GALNT17: variants seen among roughly 807,000 people sequenced by gnomAD.
GALNT17 encodes UDP-GalNAc:polypeptide N-acetylgalactosaminyltransferase-like 3.
A neutral mutation model predicts 63.7 loss-of-function variants in GALNT17; 29 were observed. The ratio of observed to expected loss-of-function variants is 0.46; its 90% CI spans 0.34 to 0.62. The LOEUF (loss-of-function observed/expected upper bound fraction) is 0.62, where lower values mean the gene tolerates loss of function less well. Ranked by LOEUF, GALNT17 falls within the 20% of genes least tolerant of loss-of-function variation. The pLI, the probability that GALNT17 is intolerant of heterozygous loss-of-function variation, is 0.01. For missense variants in GALNT17, 603 were observed against 799.6 expected (o/e 0.75, Z 2.97); for synonymous variants, 305 against 318.3 (o/e 0.96, Z 0.45).
chr7:71,375,972 CG>C (rs1161752727), intron 2 of GALNT17, among the ~76,000 whole-genome samples: 1 of 151,908 alleles, frequency 6.6e-6, no homozygotes, highest in African/African-American at 2.4e-5. Context: ...AGCTACTTGA[CG>C]GGGGCTGAGG....
chr7:71,690,191 A>C (rs1391296678), intron 9 of GALNT17, among the ~76,000 whole-genome samples: 1 of 151,670 alleles, frequency 6.6e-6, no homozygotes, highest in African/African-American at 2.4e-5. Flanking sequence ...CGCCCAGCTA[A>C]TTTTTCTATT....
At chr7:71,703,813 G>A (rs1351588848) in intron 9 of GALNT17, among the ~76,000 whole-genome samples, 1 of 152,174 alleles carries the variant, frequency 6.6e-6, no homozygotes, top group Non-Finnish European at 1.5e-5. Flanking sequence ...AGTGTGGGAA[G>A]AGGGTCAGAG....
intron 1 of GALNT17, among the ~76,000 whole-genome samples, chr7:71,295,155 C>T (rs1170457094): frequency 6.6e-6 from 1 of 152,214 alleles, no homozygotes; most frequent in East Asian, 1.9e-4. Context: ...GAGAACGCTG[C>T]TGGCTTCATT....
At chr7:71,333,773 G>A (rs973570379) in intron 1 of GALNT17, among the ~76,000 whole-genome samples, 1 of 152,178 alleles carries the variant, frequency 6.6e-6, no homozygotes, top group Non-Finnish European at 1.5e-5. Context: ...TTACAGGCGT[G>A]AGCCACTGTG....
chr7:71,280,233 G>T (rs1181016418), intron 1 of GALNT17, among the ~76,000 whole-genome samples: 3 of 152,074 alleles, frequency 2.0e-5, no homozygotes, highest in African/African-American at 7.2e-5. Context: ...TTCATTCTGG[G>T]CTCAGTGTGA....
Position 71,159,278 on chromosome 7 carries a change from C to T in GALNT17, c.238+26238C>T, listed in dbSNP as rs545673028. Among the ~76,000 whole-genome samples, 48 of 151,774 alleles carry T rather than the reference C, an allele frequency of 3.2e-4. No individual in the cohort carries two copies. In the East Asian group the frequency reaches 7.2e-3, roughly 23 times the overall value. ...TTCTTAGGAAAGTGATGTGTCGTTTCGCAGTTCCTAAAAACGTTGAGAGGT... is the reference window on the plus strand; with the variant it reads ...TTCTTAGGAAAGTGATGTGTCGTTTTGCAGTTCCTAAAAACGTTGAGAGGT... On this transcript the variant is annotated intron_variant, in intron 1 of 10. Coordinates refer to ENST00000333538, the MANE Select transcript of GALNT17 (RefSeq NM_022479.3).
At chr7:71,528,590 G>A (rs972679650) in intron 5 of GALNT17, among the ~76,000 whole-genome samples, 1 of 152,144 alleles carries the variant, frequency 6.6e-6, no homozygotes, top group Non-Finnish European at 1.5e-5. Context: ...AGGGGCAGGA[G>A]TAATCAGAGC....
intron 5 of GALNT17, among the ~76,000 whole-genome samples, chr7:71,423,079 C>T (rs898154941): frequency 6.6e-6 from 1 of 152,176 alleles, no homozygotes; most frequent in African/African-American, 2.4e-5. Flanking sequence ...AACGTCCAGC[C>T]GCTTGTGTCT....
intron 1 of GALNT17, among the ~76,000 whole-genome samples, chr7:71,184,486 T>G (rs73700624): frequency 0.052 from 7,920 of 152,216 alleles, 665 homozygotes; most frequent in African/African-American, 0.18. Context: ...CAACACACAC[T>G]TTACTGCAGG....
chr7:71,314,960 G>A (rs1309653630), intron 1 of GALNT17, among the ~76,000 whole-genome samples: 1 of 152,116 alleles, frequency 6.6e-6, no homozygotes, highest in Admixed American at 6.6e-5. Context: ...AAAGTCTACA[G>A]TTCACCACTG....
At position 71,286,876 on chromosome 7, in the gene GALNT17, G is replaced by C. The variant is rs1051710276; in HGVS notation, c.239-48674G>C. Among the ~76,000 whole-genome samples, 6 of 151,348 alleles carry C rather than the reference G, an allele frequency of 4.0e-5. No homozygotes were observed. In the South Asian group the frequency reaches 1.3e-3, roughly 32 times the overall value. On this transcript the variant is annotated intron_variant, in intron 1 of 10. Coordinates refer to ENST00000333538, the MANE Select transcript of GALNT17 (RefSeq NM_022479.3). ...TGCGATCATGGGTTGCCAAAACCCT[G>C]ACCTCCTGGGCTCAAGCCATCCTCC...
chr7:71,525,682 C>T (rs932712223), intron 5 of GALNT17, among the ~76,000 whole-genome samples: 9 of 148,376 alleles, frequency 6.1e-5, no homozygotes, highest in Admixed American at 5.4e-4. Context: ...CCATTAAATG[C>T]CTTTTTTTTT....
chr7:71,287,024 G>T (rs117548526), intron 1 of GALNT17, among the ~76,000 whole-genome samples: 2,411 of 152,052 alleles, frequency 0.016, 39 homozygotes, highest in Non-Finnish European at 0.025. Flanking sequence ...GTACTCCTGG[G>T]CCCAAGTCAA....
At position 71,459,187 on chromosome 7, in the gene GALNT17, A is replaced by C. The variant is rs1054068632; in HGVS notation, c.962+38082A>C. 4.6e-5 allele frequency among the ~76,000 whole-genome samples: 7 copies of C among 152,212 alleles called. No homozygotes were observed. In the South Asian group the frequency reaches 1.2e-3, roughly 27 times the overall value. ...AAATCAGACAGCCTACAGAAGAAGA[A>C]TAGGTTCAGAATGACTCTGGGGCTA... On this transcript the variant is annotated intron_variant, in intron 5 of 10. Transcript: ENST00000333538.
intron 5 of GALNT17, among the ~76,000 whole-genome samples, chr7:71,455,207 T>A (rs1451381283): frequency 6.6e-6 from 1 of 151,454 alleles, no homozygotes; most frequent in Non-Finnish European, 1.5e-5. Context: ...GTTGTTCATG[T>A]TGAAACCATC....
In GALNT17 at chr7:71,522,209, G is replaced by T. The variant is rs116238601; in HGVS notation, c.963-49076G>T. ...GTGAGTTCCTTGGCATGGTGTCAATGTTGGATGCAGAGAGTCCTCAAACCC... is the reference window on the plus strand; with the variant it reads ...GTGAGTTCCTTGGCATGGTGTCAATTTTGGATGCAGAGAGTCCTCAAACCC... On this transcript the variant is annotated intron_variant, in intron 5 of 10. Transcript: ENST00000333538. 1.0e-3 allele frequency among the ~76,000 whole-genome samples: 154 copies of T among 152,298 alleles called. 1 individual carries two copies. Among genetic ancestry groups the T allele is most frequent in the African/African-American group, 3.6e-3 (150 of 41,570 alleles).
chr7:71,533,817 CA>C (rs1448869729), intron 5 of GALNT17, among the ~76,000 whole-genome samples: 3 of 152,094 alleles, frequency 2.0e-5, no homozygotes, highest in African/African-American at 7.2e-5. Flanking sequence ...AGGCTGCTCC[CA>C]AATCCATCTC....
Position 71,712,312 on chromosome 7 carries a change from C to T in GALNT17, c.*166C>T, listed in dbSNP as rs943331882. 4 of 784,232 alleles carry T rather than the reference C, an allele frequency of 5.1e-6. No homozygotes were observed. Among genetic ancestry groups the T allele is most frequent in the South Asian group, 1.9e-5 (1 of 51,906 alleles). 48.6% of individuals were successfully genotyped at this position (784,232 alleles called of 1,614,324 possible). A position where few individuals can be genotyped will look rare whatever the true frequency, so the allele number is the denominator to read the frequency against. ...CAGGGACCCCGGATGAAGACTCTGTCCCCCCTCAGGCATTCAGCTGCCCAC... is the reference window on the plus strand; with the variant it reads ...CAGGGACCCCGGATGAAGACTCTGTTCCCCCTCAGGCATTCAGCTGCCCAC... On this transcript the variant is annotated 3_prime_UTR_variant, in exon 11 of 11. Transcript: ENST00000333538.
At chr7:71,676,277 A>C (rs1791148920) in intron 8 of GALNT17, among the ~76,000 whole-genome samples, 1 of 152,064 alleles carries the variant, frequency 6.6e-6, no homozygotes. Flanking sequence ...CATTCCAAAC[A>C]CCAAACACCT....
Sources: allele counts gnomAD v4.1 joint callset (sites outside exome capture counted in the v4.1 genomes callset), GRCh38; gene constraint gnomAD v4.1.1; transcripts MANE v1.5; gene names NCBI Gene and HGNC (gene_info 2026-07-23, HGNC 2026-07-21).